PACRGL: variants seen among roughly 807,000 people sequenced by gnomAD.
The protein encoded by PACRGL is parkin coregulated like, also known as PACRG-like protein.
Under a neutral mutation model 34.5 loss-of-function variants are expected in PACRGL, and 38 were observed. The observed-to-expected ratio is 1.10, with a 90% CI of 0.85 to 1.44. The LOEUF is 1.44. PACRGL is among the 40% of genes most tolerant of loss of function. The pLI is 0.00. For missense variants in PACRGL, 305 were observed against 281.4 expected, an observed-to-expected ratio of 1.08 and a Z score of -0.60; for synonymous variants, 128 against 100.1, an observed-to-expected ratio of 1.28 and a Z score of -1.66.
chr4:20,729,465 A>AATAAACTAATTTTTAAATGTTTAAT lies in PACRGL; in HGVS notation c.*2126_*2150dup, dbSNP rs1747241424. 1.5e-5 allele frequency: 2 copies of AATAAACTAATTTTTAAATGTTTAAT among 131,190 alleles called. No individual in the cohort carries two copies. Among genetic ancestry groups the AATAAACTAATTTTTAAATGTTTAAT allele is most frequent in the African/African-American group, 2.6e-5 (1 of 38,356 alleles). The allele number at this position is 131,190 out of a possible 1,614,324, so 8.1% of individuals were successfully genotyped here. A position where few individuals can be genotyped will look rare whatever the true frequency, so the allele number is the denominator to read the frequency against. ...TATTAGGCATATGCTGATATCTGAT[A>AATAAACTAATTTTTAAATGTTTAAT]ATAAACTAATTTTTAAATGTTTAAT... is the stretch of plus-strand genomic sequence containing the variant. On this transcript the variant is annotated 3_prime_UTR_variant, in exon 9 of 9. Coordinates refer to ENST00000503585, the MANE Select transcript of PACRGL (RefSeq NM_001258345.3).
downstream of PACRGL, among the ~76,000 whole-genome samples, chr4:20,754,362 T>G (rs180794142): frequency 6.6e-6 from 1 of 152,266 alleles, no homozygotes; most frequent in East Asian, 1.9e-4. Context: ...ATGTTGTGAT[T>G]TATGGACCCA....
intron 8 of PACRGL, among the ~76,000 whole-genome samples, chr4:20,751,229 G>T (rs7663837): frequency 0.5 from 75,428 of 152,020 alleles, 19,246 homozygotes; most frequent in African/African-American, 0.58. Context: ...CGTTTTCAGT[G>T]AACTAACCAA....
intron 7 of PACRGL, chr4:20,716,223 A>C (rs1739907503): frequency 2.3e-6 from 2 of 856,970 alleles, no homozygotes; most frequent in East Asian, 2.6e-5. Flanking sequence ...ACAACACACA[A>C]AAAATAAAGA....
chr4:20,701,755 C>A lies in PACRGL; in HGVS notation c.-17+968C>A, dbSNP rs554371155. 161 of 429,864 alleles carry A rather than the reference C, an allele frequency of 3.7e-4. 1 individual carries two copies. Among genetic ancestry groups the A allele is most frequent in the South Asian group, 2.2e-3 (138 of 61,698 alleles). 26.6% of individuals were successfully genotyped at this position (429,864 alleles called of 1,614,324 possible). A position where few individuals can be genotyped will look rare whatever the true frequency, so the allele number is the denominator to read the frequency against. ...GGCTCCAGGACTCCCTCCCTCCCCC[C>A]AGTCTCTTTCAGATACCCAAATCCA... On this transcript the variant is annotated intron_variant, in intron 1 of 8. Coordinates refer to ENST00000503585, the MANE Select transcript of PACRGL (RefSeq NM_001258345.3).
Position 20,731,963 on chromosome 4 carries a change from TTATGATAGCTGA to T in PACRGL, c.*4623_*4634del. 1 of 1,610,496 alleles carries T rather than the reference TTATGATAGCTGA, an allele frequency of 6.2e-7. No homozygotes were observed. The highest frequency in any genetic ancestry group is 8.5e-7 in the Non-Finnish European group (1 of 1,178,732). On this transcript the variant is annotated 3_prime_UTR_variant, in exon 9 of 9. Transcript: ENST00000503585. The stretch of plus-strand genomic sequence containing the variant: ...TAGCTGCTAATACTCAGTTTAGCTG[TTATGATAGCTGA>T]ATTGATAGTTATTACACTTTCATTA...
intron 8 of PACRGL, among the ~76,000 whole-genome samples, chr4:20,737,699 G>A (rs569284720): frequency 6.6e-6 from 1 of 152,310 alleles, no homozygotes; most frequent in South Asian, 2.1e-4. Context: ...ATACTAAGCA[G>A]TAAGATGACA....
chr4:20,711,754 A>C (rs771440206), intron 5 of PACRGL, among the ~76,000 whole-genome samples: 24 of 152,188 alleles, frequency 1.6e-4, no homozygotes, highest in Non-Finnish European at 2.9e-4. Context: ...AAATCATAAA[A>C]GAGTACTAGC....
intron 8 of PACRGL, among the ~76,000 whole-genome samples, chr4:20,739,748 G>C (rs1160560982): frequency 6.6e-6 from 1 of 152,152 alleles, no homozygotes; most frequent in African/African-American, 2.4e-5. Flanking sequence ...TGACTTTGAT[G>C]AGCTGACAGA....
the PACRGL span, among the ~76,000 whole-genome samples, chr4:20,760,922 G>A: frequency 1.3e-5 from 2 of 152,184 alleles, no homozygotes; most frequent in Admixed American, 6.6e-5. Context: ...CCAAGTGTTT[G>A]GTCAAGCATT....
Position 20,727,453 on chromosome 4 carries a change from C to G in PACRGL, c.*112C>G. ...AATCACAGCCACCATTCATTATTTA[C>G]TAGGTTAAGATGAATAGACACTGAA... On this transcript the variant is annotated 3_prime_UTR_variant, in exon 9 of 9. Transcript: ENST00000503585. 1.1e-6 allele frequency: 1 copy of G among 875,514 alleles called. No homozygotes were observed. The highest frequency in any genetic ancestry group is 1.7e-5 in the South Asian group (1 of 59,180). 54.2% of individuals were successfully genotyped at this position (875,514 alleles called of 1,614,324 possible). A position where few individuals can be genotyped will look rare whatever the true frequency, so the allele number is the denominator to read the frequency against.
In PACRGL at chr4:20,704,492, C is replaced by T. The variant is rs371589088; in HGVS notation, c.11C>T (p.Ser4Leu). 2.1e-4 allele frequency: 337 copies of T among 1,613,556 alleles called. No homozygotes were observed. The highest frequency in any genetic ancestry group is 2.7e-4 in the Non-Finnish European group (315 of 1,179,916). MQK[S>L]EGSGGTQLKN... ...AGTGAAAGGGAAGCAATGCAGAAATCAGAGGGCTCTGGAGGTACACAGTTG... is the reference window on the plus strand; with the variant it reads ...AGTGAAAGGGAAGCAATGCAGAAATTAGAGGGCTCTGGAGGTACACAGTTG... Residue 4 changes from serine (S) to leucine (L), a missense_variant, in exon 2 of 9, where the codon TCA (serine) becomes TTA (leucine). Transcript: ENST00000503585.
At chr4:20,711,702 C>T (rs1444036543) in intron 5 of PACRGL, among the ~76,000 whole-genome samples, 3 of 151,840 alleles carry the variant, frequency 2.0e-5, no homozygotes, top group African/African-American at 7.3e-5. Flanking sequence ...TTTATCATTT[C>T]GAAAAAAGTC....
chr4:20,712,663 T>C lies in PACRGL; in HGVS notation c.367-125T>C, dbSNP rs77212395. ...ATTGAAATTGTAACTACTGAAATTATAATCATGATTAGGAAAACAATAATG... is the reference window on the plus strand; with the variant it reads ...ATTGAAATTGTAACTACTGAAATTACAATCATGATTAGGAAAACAATAATG... On this transcript the variant is annotated intron_variant, in intron 5 of 8. Coordinates refer to ENST00000503585, the MANE Select transcript of PACRGL (RefSeq NM_001258345.3). 4.1e-3 allele frequency: 3,722 copies of C among 902,978 alleles called. 97 individuals are homozygous for C. The African/African-American group carries it at 0.058, about 14-fold the overall frequency. The allele number at this position is 902,978 out of a possible 1,614,324, so 55.9% of individuals were successfully genotyped here. A position where few individuals can be genotyped will look rare whatever the true frequency, so the allele number is the denominator to read the frequency against.
downstream of PACRGL, chr4:20,732,825 T>C (rs777560812): frequency 1.6e-6 from 2 of 1,219,254 alleles, no homozygotes; most frequent in South Asian, 2.5e-5. Context: ...TGCACACATG[T>C]ATGAAGAAAC....
chr4:20,760,110 T>A, the PACRGL span, among the ~76,000 whole-genome samples: 1 of 152,162 alleles, frequency 6.6e-6, no homozygotes, highest in African/African-American at 2.4e-5. Flanking sequence ...CCAACTAGTG[T>A]TGTTCAAGAG....
At chr4:20,722,712 A>G (rs1743919501) in intron 7 of PACRGL, among the ~76,000 whole-genome samples, 1 of 152,186 alleles carries the variant, frequency 6.6e-6, no homozygotes, top group Admixed American at 6.5e-5. Flanking sequence ...ACCTGGTGTC[A>G]CCCGAAACTC....
At chr4:20,704,237 A>C (rs991837356) in intron 1 of PACRGL, among the ~76,000 whole-genome samples, 2 of 152,096 alleles carry the variant, frequency 1.3e-5, no homozygotes, top group Non-Finnish European at 2.9e-5. Flanking sequence ...AAAAAAGTTG[A>C]CTTTTGTACA....
rs1245480742 is a variant in PACRGL, at chr4:20,728,869, A to ACGATGTGTGTGGCTTTAG, written c.*1529_*1546dup. On this transcript the variant is annotated 3_prime_UTR_variant, in exon 9 of 9. Transcript: ENST00000503585. ...TTTGTGATATTTCTACAAAACAGGG[A>ACGATGTGTGTGGCTTTAG]CGATGTGTGTGGCTTTAGTAATGTG... 2.0e-5 allele frequency: 3 copies of ACGATGTGTGTGGCTTTAG among 152,444 alleles called. No homozygotes were observed. The highest frequency in any genetic ancestry group is 4.4e-5 in the Non-Finnish European group (3 of 68,022). The allele number at this position is 152,444 out of a possible 1,614,324, so 9.4% of individuals were successfully genotyped here.
intron 1 of PACRGL, among the ~76,000 whole-genome samples, chr4:20,703,386 T>C (rs1733061958): frequency 6.6e-6 from 1 of 151,912 alleles, no homozygotes; most frequent in African/African-American, 2.4e-5. Flanking sequence ...GCCATAGAAA[T>C]ACACATTTGA....
Sources: gnomAD v4.1 joint callset for allele counts (sites outside exome capture counted in the v4.1 genomes callset) on GRCh38, gnomAD v4.1.1 for gene constraint, MANE v1.5 for transcripts, NCBI Gene and HGNC (gene_info 2026-07-23, HGNC 2026-07-21) for gene names.